ACTR1A: variants seen among roughly 807,000 people sequenced by gnomAD.
ACTR1A encodes alpha-centractin.
Under a neutral mutation model 50.7 loss-of-function variants are expected in ACTR1A, and 10 were observed. That is an observed-to-expected ratio of 0.20 (90% CI 0.12 to 0.33). The LOEUF is 0.33. Ranked by LOEUF, ACTR1A falls within the 10% of genes least tolerant of loss-of-function variation. The pLI, the probability that ACTR1A is intolerant of heterozygous loss-of-function variation, is 1.00. For synonymous variants in ACTR1A, 177 were observed against 184.2 expected (o/e 0.96, Z 0.32); for missense variants, 253 against 491.7 (o/e 0.51, Z 4.59).
intron 9 of ACTR1A, 39 bp downstream of exon 9, chr10:102,481,798 G>C (rs1264588954): frequency 6.2e-7 from 1 of 1,608,368 alleles, no homozygotes; most frequent in Admixed American, 1.7e-5. Context: ...GTCCATGGAA[G>C]CCTAGTTCCA....
intron 1 of ACTR1A, among the ~76,000 whole-genome samples, chr10:102,493,038 G>T (rs891093107): frequency 8.7e-6 from 1 of 115,330 alleles, no homozygotes; most frequent in East Asian, 2.3e-4. Flanking sequence ...GTGGTTGAAG[G>T]GCAGAGAAAG....
rs146350421 is a variant in ACTR1A, at chr10:102,479,438, G to A, written c.*1425C>T. 225 of 398,996 alleles carry A rather than the reference G, an allele frequency of 5.6e-4. No individual in the cohort carries two copies. Among genetic ancestry groups the A allele is most frequent in the Admixed American group, 2.3e-3 (63 of 27,722 alleles). The allele number at this position is 398,996 out of a possible 1,614,324, so 24.7% of individuals were successfully genotyped here. A position where few individuals can be genotyped will look rare whatever the true frequency, so the allele number is the denominator to read the frequency against. ...CAGGGGCCTTTGGTCATAGGACGGC[G>A]TGGGGGAGAATACTGTGTGAAGTCT... On this transcript the variant is annotated 3_prime_UTR_variant, in exon 11 of 11. Coordinates refer to ENST00000369905, the MANE Select transcript of ACTR1A (RefSeq NM_005736.4). The surrounding 1 kb of genome is among the most constrained non-coding windows in gnomAD (Gnocchi z 4.0).
chr10:102,487,451 G>C (rs944466470), intron 4 of ACTR1A, among the ~76,000 whole-genome samples: 6 of 152,018 alleles, frequency 3.9e-5, no homozygotes, highest in African/African-American at 7.2e-5. Flanking sequence ...ATGGTGGGGG[G>C]TGGGGCTGAG....
At chr10:102,497,805 T>C (rs2062229538) in intron 1 of ACTR1A, among the ~76,000 whole-genome samples, 1 of 151,434 alleles carries the variant, frequency 6.6e-6, no homozygotes, top group Non-Finnish European at 1.5e-5. Context: ...AGAGAAAGGA[T>C]AGGGTTGCCA....
chr10:102,481,749 T>C (rs2062143560), intron 9 of ACTR1A, 88 bp downstream of exon 9: 5 of 1,495,842 alleles, frequency 3.3e-6, no homozygotes, highest in African/African-American at 1.4e-5. Flanking sequence ...TTGAAGAGCT[T>C]GGGCAAAGCT....
At position 102,480,737 on chromosome 10, in the gene ACTR1A, G is replaced by A. The variant is rs2062134785; in HGVS notation, c.*126C>T. ...TCCCAGGGCCACACGGCACTCGCAT[G>A]TGCACACACACTCATATCCACACAC... On this transcript the variant is annotated 3_prime_UTR_variant, in exon 11 of 11. Coordinates refer to ENST00000369905, the MANE Select transcript of ACTR1A (RefSeq NM_005736.4). 9.9e-6 allele frequency: 8 copies of A among 811,470 alleles called. No homozygotes were observed. Among genetic ancestry groups the A allele is most frequent in the Non-Finnish European group, 1.7e-5 (8 of 472,242 alleles). The allele number at this position is 811,470 out of a possible 1,614,324, so 50.3% of individuals were successfully genotyped here.
At chr10:102,495,134 G>C (rs895882398) in intron 1 of ACTR1A, among the ~76,000 whole-genome samples, 31 of 151,956 alleles carry the variant, frequency 2.0e-4, no homozygotes, top group African/African-American at 6.0e-4. Context: ...AAAATTACTC[G>C]GGTGTGGTGG....
Position 102,484,249 on chromosome 10 carries a change from C to A in ACTR1A, c.568G>T (p.Val190Phe). Residue 190 changes from valine (V) to phenylalanine (F), a missense_variant, in exon 6 of 11, where the codon GTC becomes TTC. This residue lies in a region of ACTR1A where 116 missense variants were observed against 155.9 expected (regional missense o/e 0.74). Transcript: ENST00000369905. ...AGGTAGAGGCGCAGGAAGCGAGAGA[C>A]GTCCCGGCCCGCGATGTCGATGCGC... ...IMRIDIAGRDVSRFLRLYLRK... is the reference protein window; with the variant it reads ...IMRIDIAGRDFSRFLRLYLRK... 6.2e-7 allele frequency: 1 copy of A among 1,614,200 alleles called. No individual in the cohort carries two copies. The highest frequency in any genetic ancestry group is 8.5e-7 in the Non-Finnish European group (1 of 1,180,036).
rs778346046 is a variant in ACTR1A at position 102,502,549 on chromosome 10, T to G, written c.48+51A>C. On this transcript the variant is annotated intron_variant, in intron 1 of 10. Coordinates refer to ENST00000369905, the MANE Select transcript of ACTR1A (RefSeq NM_005736.4). ...AGGCTGAACCCCGGGAAGCGATCCT[T>G]TCGAGGAGGAGAGCCCAAGTCCCCT... 4.4e-6 allele frequency: 7 copies of G among 1,601,436 alleles called. No homozygotes were observed. The Admixed American group carries it at 6.7e-5, about 15-fold the overall frequency.
At chr10:102,495,386 G>A (rs182159450) in intron 1 of ACTR1A, among the ~76,000 whole-genome samples, 1 of 152,132 alleles carries the variant, frequency 6.6e-6, no homozygotes, top group African/African-American at 2.4e-5. Flanking sequence ...TGGCTAACAC[G>A]GTGAAACCCC....
chr10:102,484,116 T>C, intron 6 of ACTR1A, 44 bp downstream of exon 6: 1 of 1,591,318 alleles, frequency 6.3e-7, no homozygotes, highest in Non-Finnish European at 8.6e-7. Flanking sequence ...GGTGCTATGC[T>C]CCCAACCCCC....
chr10:102,486,190 GGA>G (rs899222623), intron 4 of ACTR1A, among the ~76,000 whole-genome samples: 7 of 152,148 alleles, frequency 4.6e-5, no homozygotes, highest in Admixed American at 6.6e-5. Flanking sequence ...GATTCTCATA[GGA>G]GTGTGAACCC....
chr10:102,481,236 G>T, intron 9 of ACTR1A, 64 bp from the exon 10 acceptor site: 1 of 1,488,898 alleles, frequency 6.7e-7, no homozygotes, highest in Non-Finnish European at 9.1e-7. Context: ...TCCCTACAAT[G>T]CTCCTCTTTC....
chr10:102,480,570 C>T lies in ACTR1A; in HGVS notation c.*293G>A. ...TCTCCCTGTGGTAGTAAACGGAGTC[C>T]CCCACAGCCAGCCAGAGGCCACCTG... On this transcript the variant is annotated 3_prime_UTR_variant, in exon 11 of 11. Coordinates refer to ENST00000369905, the MANE Select transcript of ACTR1A (RefSeq NM_005736.4). 2.3e-6 allele frequency: 1 copy of T among 443,090 alleles called. No homozygotes were observed. The highest frequency in any genetic ancestry group is 4.2e-5 in the East Asian group (1 of 23,640). The allele number at this position is 443,090 out of a possible 1,614,324, so 27.4% of individuals were successfully genotyped here.
Position 102,488,027 on chromosome 10 carries a change from C to A in ACTR1A, c.315+123G>T, listed in dbSNP as rs2062177365. On this transcript the variant is annotated intron_variant, in intron 4 of 10. Transcript: ENST00000369905. The surrounding 1 kb of genome is among the most constrained non-coding windows in gnomAD (Gnocchi z 4.4). ...GGTGTTAAGATTAAATCTGAATATG[C>A]CTGAAAATCAAATGGCTCCAGCACT... is the stretch of plus-strand genomic sequence containing the variant. The A allele has an allele frequency of 6.3e-6, 7 of 1,115,896 alleles. No individual in the cohort carries two copies. The East Asian group carries it at 1.7e-4, about 27-fold the overall frequency. 69.1% of individuals were successfully genotyped at this position (1,115,896 alleles called of 1,614,324 possible). A position where few individuals can be genotyped will look rare whatever the true frequency, so the allele number is the denominator to read the frequency against.
intron 1 of ACTR1A, among the ~76,000 whole-genome samples, chr10:102,490,846 A>C (rs1215058688): frequency 6.6e-6 from 1 of 152,110 alleles, no homozygotes; most frequent in Non-Finnish European, 1.5e-5. Context: ...TGCAACAATT[A>C]GCTGGGCATG....
chr10:102,482,089 C>G lies in ACTR1A; in HGVS notation c.837G>C (p.Leu279=), dbSNP rs1317324912. The change falls in exon 8 of 11, where the codon CTG becomes CTC. Residue 279 remains leucine (L), a synonymous_variant. Transcript: ENST00000369905. This position sits in a 1 kb window ranked among gnomAD's most constrained non-coding sequence, Gnocchi z 5.6. ...GEESEGIHEV[L]VFAIQKSDMD... ...TGTCTGACTTCTGAATGGCGAACAC[C>G]AGGACCTCGTGGATGCCTTCACTCT... is the stretch of plus-strand genomic sequence containing the variant. The G allele has an allele frequency of 6.2e-7, 1 of 1,614,174 alleles. No homozygotes were observed. The highest frequency in any genetic ancestry group is 2.2e-5 in the East Asian group (1 of 44,874).
chr10:102,481,216 C>G (rs772464911), intron 9 of ACTR1A, 44 bp from the exon 10 acceptor site: 2 of 1,539,166 alleles, frequency 1.3e-6, no homozygotes, highest in African/African-American at 2.8e-5. Flanking sequence ...TCCAGCCCTC[C>G]CGCTCCCTTT....
At position 102,480,763 on chromosome 10, in the gene ACTR1A, G is replaced by T; in HGVS notation, c.*100C>A. The T allele has an allele frequency of 1.0e-6, 1 of 954,936 alleles. No homozygotes were observed. Among genetic ancestry groups the T allele is most frequent in the Non-Finnish European group, 1.7e-6 (1 of 588,284 alleles). 59.2% of individuals were successfully genotyped at this position (954,936 alleles called of 1,614,324 possible). A position where few individuals can be genotyped will look rare whatever the true frequency, so the allele number is the denominator to read the frequency against. On this transcript the variant is annotated 3_prime_UTR_variant, in exon 11 of 11. Coordinates refer to ENST00000369905, the MANE Select transcript of ACTR1A (RefSeq NM_005736.4). ...TGCACACACACTCATATCCACACAC[G>T]CACTCACACACAGGCAGTTCCTCGC...
Sources: gnomAD v4.1 joint callset for allele counts (sites outside exome capture counted in the v4.1 genomes callset) on GRCh38, gnomAD v4.1.1 for gene constraint, gnomAD v4.1.1 regional missense constraint, Gnocchi (gnomAD v3.1) non-coding constraint, MANE v1.5 for transcripts, NCBI Gene and HGNC (gene_info 2026-07-23, HGNC 2026-07-21) for gene names.